The following MTCH2 variants were observed in gnomAD, a reference collection of about 807,000 sequenced individuals.
MTCH2 encodes the protein mitochondrial carrier 2.
In MTCH2, 25 loss-of-function variants were observed where a neutral mutation model predicts 50.6. The ratio of observed to expected loss-of-function variants is 0.49; its 90% confidence interval spans 0.36 to 0.69. The LOEUF (loss-of-function observed/expected upper bound fraction) is 0.69. Among genes scored for constraint, MTCH2 ranks in the 30% least tolerant of loss-of-function variants. The probability of loss-of-function intolerance (pLI) is 0.00; values close to 1 mark genes in which losing one functional copy is unlikely to be tolerated. For missense variants in MTCH2, 273 were observed against 384.4 expected (o/e 0.71, Z 2.42); for synonymous variants, 106 against 132.0 (o/e 0.80, Z 1.35).
intron 3 of MTCH2, among the ~76,000 whole-genome samples, chr11:47,636,359 G>A (rs1402057703): frequency 2.6e-5 from 4 of 151,662 alleles, no homozygotes; most frequent in East Asian, 1.9e-4. Context: ...GCTTGAACCC[G>A]GGGGGTAAAG....
At chr11:47,629,199 T>G (rs1011225556) in intron 8 of MTCH2, 153 bp from the exon 9 acceptor site, 1 of 619,824 alleles carries the variant, frequency 1.6e-6, no homozygotes, top group Non-Finnish European at 2.8e-6. Context: ...CCCGCATACC[T>G]AGTTCATTCT....
At chr11:47,626,867 C>T (rs2097298700) in intron 10 of MTCH2, among the ~76,000 whole-genome samples, 1 of 152,194 alleles carries the variant, frequency 6.6e-6, no homozygotes. Context: ...CCCACCTCAC[C>T]TTCCCAAAGT....
intron 7 of MTCH2, 77 bp downstream of exon 7, chr11:47,630,958 TA>T: frequency 8.4e-7 from 1 of 1,187,060 alleles, no homozygotes; most frequent in Middle Eastern, 2.0e-4. Flanking sequence ...AAGGGTATCA[TA>T]AAAATACAAA....
the MTCH2 span, among the ~76,000 whole-genome samples, chr11:47,609,520 G>A: frequency 6.8e-6 from 1 of 147,142 alleles, no homozygotes; most frequent in South Asian, 2.1e-4. Context: ...CCAGCTACTA[G>A]GGAGGCTGAG....
chr11:47,632,989 C>A (rs1238627431), intron 5 of MTCH2, among the ~76,000 whole-genome samples: 2 of 151,852 alleles, frequency 1.3e-5, no homozygotes, highest in African/African-American at 4.8e-5. Context: ...TGTGAGCCAC[C>A]ACACCCGGCC....
At position 47,625,909 on chromosome 11, in the gene MTCH2, C is replaced by A. The variant is rs77225981; in HGVS notation, c.682-168G>T. Among the ~76,000 whole-genome samples the A allele has an allele frequency of 1.6e-4, 25 of 152,316 alleles. No homozygotes were observed. The East Asian group carries it at 4.4e-3, about 27-fold the overall frequency. ...TACAGTTTTGAGCCTGGAGATGCTT[C>A]TTCCTCTTAGCACACCACTGCATCC... On this transcript the variant is annotated intron_variant, in intron 10 of 12. Coordinates refer to ENST00000302503, the MANE Select transcript of MTCH2 (RefSeq NM_014342.4).
intron 5 of MTCH2, among the ~76,000 whole-genome samples, chr11:47,633,266 T>C (rs1049007643): frequency 1.3e-5 from 2 of 150,342 alleles, no homozygotes; most frequent in African/African-American, 2.4e-5. Flanking sequence ...CCTGCCACCA[T>C]GCCCAGCTAA....
intron 1 of MTCH2, among the ~76,000 whole-genome samples, chr11:47,640,426 A>T (rs538234363): frequency 3.3e-5 from 5 of 151,934 alleles, no homozygotes; most frequent in Non-Finnish European, 7.4e-5. Context: ...TTACTTATTT[A>T]TTTTTTGGAG....
chr11:47,625,591 T>C, intron 11 of MTCH2, 83 bp downstream of exon 11: 1 of 917,986 alleles, frequency 1.1e-6, no homozygotes, highest in Non-Finnish European at 1.6e-6. Context: ...TGATCATTCA[T>C]CTTTCCTAAA....
chr11:47,640,244 G>T (rs1419066961), intron 1 of MTCH2, among the ~76,000 whole-genome samples: 1 of 151,452 alleles, frequency 6.6e-6, no homozygotes, highest in Non-Finnish European at 1.5e-5. Flanking sequence ...CAGGACAGTC[G>T]CTTGAACCTG....
chr11:47,612,805 G>A (rs2097286319), downstream of MTCH2, among the ~76,000 whole-genome samples: 1 of 152,056 alleles, frequency 6.6e-6, no homozygotes, highest in Admixed American at 6.6e-5. Flanking sequence ...CCCCTCCAGG[G>A]CAAAAATCAG....
At chr11:47,606,652 T>C in the MTCH2 span, among the ~76,000 whole-genome samples, 1 of 152,190 alleles carries the variant, frequency 6.6e-6, no homozygotes, top group African/African-American at 2.4e-5. Context: ...ACTTTTCAAA[T>C]CATTTTTCTG....
intron 4 of MTCH2, 52 bp downstream of exon 4, chr11:47,635,493 T>G (rs2097307693): frequency 6.3e-7 from 1 of 1,593,650 alleles, no homozygotes; most frequent in Admixed American, 1.7e-5. Context: ...CCAAAAGCAG[T>G]AACAACTTGC....
the MTCH2 span, among the ~76,000 whole-genome samples, chr11:47,611,223 T>TGACA: frequency 6.6e-6 from 1 of 152,352 alleles, no homozygotes; most frequent in South Asian, 2.1e-4. Flanking sequence ...ACTTAATGAC[T>TGACA]GACAGTTGCA....
chr11:47,627,134 T>C lies in MTCH2; in HGVS notation c.634-7A>G, dbSNP rs1209098283. ...TTTCATTCATGGTAGAAACCTAAAA[T>C]AGGAAAAGAGCCTTAAATTAATTAC... On this transcript the variant is annotated splice_region_variant and splice_polypyrimidine_tract_variant and intron_variant, in intron 9 of 12. Transcript: ENST00000302503. 4 of 1,584,202 alleles carry C rather than the reference T, an allele frequency of 2.5e-6. No homozygotes were observed. The highest frequency in any genetic ancestry group is 1.4e-5 in the African/African-American group (1 of 73,870).
chr11:47,631,163 C>G (rs973185961), intron 6 of MTCH2, 76 bp from the exon 7 acceptor site: 2 of 1,224,730 alleles, frequency 1.6e-6, no homozygotes, highest in Non-Finnish European at 2.4e-6. Context: ...AATCCCAGCA[C>G]TTTGAGAGGC....
intron 4 of MTCH2, among the ~76,000 whole-genome samples, chr11:47,635,233 C>T (rs2097307466): frequency 6.6e-6 from 1 of 152,106 alleles, no homozygotes. Flanking sequence ...GTATGTGCCA[C>T]CAGGCCCCGC....
intron 12 of MTCH2, among the ~76,000 whole-genome samples, chr11:47,621,687 G>A (rs999675553): frequency 1.3e-5 from 2 of 151,796 alleles, no homozygotes; most frequent in Non-Finnish European, 2.9e-5. Flanking sequence ...TGCCCGCCTT[G>A]GCCTCCCAAA....
chr11:47,615,438 C>G (rs942797342), downstream of MTCH2, among the ~76,000 whole-genome samples: 8 of 152,126 alleles, frequency 5.3e-5, no homozygotes, highest in Admixed American at 2.0e-4. Flanking sequence ...GCACAGCCCT[C>G]TCACCCAGTT....
Sources: gnomAD v4.1 joint callset for allele counts (sites outside exome capture counted in the v4.1 genomes callset) on GRCh38, gnomAD v4.1.1 for gene constraint, MANE v1.5 for transcripts, NCBI Gene and HGNC (gene_info 2026-07-23, HGNC 2026-07-21) for gene names.